Variants in CYP2J2 observed in about 807,000 individuals in gnomAD.
CYP2J2 encodes cytochrome P450 2J2.
CYP2J2 carries 41 observed loss-of-function variants against 48.8 expected under a neutral mutation model. That is an observed-to-expected ratio of 0.84 (90% CI 0.66 to 1.09). The LOEUF (loss-of-function observed/expected upper bound fraction) is 1.09. Ranked by LOEUF, CYP2J2 falls within the 50% of genes least tolerant of loss-of-function variation. The probability of loss-of-function intolerance (pLI) is 0.00; values close to 1 mark genes in which losing one functional copy is unlikely to be tolerated. For synonymous variants in CYP2J2, 221 were observed against 227.1 expected, an observed-to-expected ratio of 0.97 and a Z score of 0.24; for missense variants, 644 against 617.3, an observed-to-expected ratio of 1.04 and a Z score of -0.46.
chr1:59,945,149 A>T, the CYP2J2 span, among the ~76,000 whole-genome samples: 305 of 152,198 alleles, frequency 2.0e-3, 2 homozygotes, highest in Non-Finnish European at 3.0e-3. Flanking sequence ...GAAAATGGTT[A>T]AAAAAATGGT....
the CYP2J2 span, among the ~76,000 whole-genome samples, chr1:59,948,790 AT>A: frequency 3.3e-5 from 5 of 152,108 alleles, no homozygotes; most frequent in South Asian, 2.1e-4. Flanking sequence ...CATTATCAAA[AT>A]TTTTTTTCAG....
chr1:59,943,328 GAGAA>G, the CYP2J2 span, among the ~76,000 whole-genome samples: 18 of 152,314 alleles, frequency 1.2e-4, no homozygotes, highest in African/African-American at 3.8e-4. Context: ...CAGCCGAATG[GAGAA>G]AGAGAGAGGA....
chr1:59,954,163 C>A, the CYP2J2 span, among the ~76,000 whole-genome samples: 7 of 152,154 alleles, frequency 4.6e-5, no homozygotes, highest in Admixed American at 6.5e-5. Context: ...CAGCCTGGGT[C>A]TCTGGGTGAC....
chr1:59,946,526 C>T, the CYP2J2 span, among the ~76,000 whole-genome samples: 404 of 152,278 alleles, frequency 2.7e-3, 1 homozygote, highest in African/African-American at 9.2e-3. Context: ...ATGTGAGCTC[C>T]ATGAGGGGAA....
chr1:59,967,549 G>A, the CYP2J2 span, among the ~76,000 whole-genome samples: 3 of 152,192 alleles, frequency 2.0e-5, no homozygotes, highest in Non-Finnish European at 4.4e-5. Flanking sequence ...CTTGTTATCT[G>A]CCTTCTGCAG....
chr1:59,939,505 G>A, the CYP2J2 span, among the ~76,000 whole-genome samples: 110 of 152,272 alleles, frequency 7.2e-4, no homozygotes, highest in Non-Finnish European at 1.2e-3. Flanking sequence ...CCCTGTGGCC[G>A]CCACCACTAG....
chr1:59,939,296 C>T, the CYP2J2 span, among the ~76,000 whole-genome samples: 14 of 152,138 alleles, frequency 9.2e-5, no homozygotes, highest in Admixed American at 6.5e-4. Flanking sequence ...CATTAGGGAG[C>T]GCCCCAAGCC....
At chr1:59,928,932 A>G (rs1305599111), upstream of CYP2J2, among the ~76,000 whole-genome samples, 1 of 152,250 alleles carries the variant, frequency 6.6e-6, no homozygotes, top group Non-Finnish European at 1.5e-5. Flanking sequence ...CAAATCTCAA[A>G]GTCTGGCCTC....
At chr1:59,939,469 A>G in the CYP2J2 span, among the ~76,000 whole-genome samples, 1 of 152,150 alleles carries the variant, frequency 6.6e-6, no homozygotes, top group Non-Finnish European at 1.5e-5. Context: ...AGCTGCCTAG[A>G]GTTGGGGGTG....
At chr1:59,941,531 A>G in the CYP2J2 span, among the ~76,000 whole-genome samples, 2 of 152,176 alleles carry the variant, frequency 1.3e-5, no homozygotes, top group Non-Finnish European at 2.9e-5. Flanking sequence ...CCTTCCACTT[A>G]TTGAAAAAAA....
chr1:59,915,634 CAG>C (rs781347904), intron 2 of CYP2J2, among the ~76,000 whole-genome samples: 1 of 152,124 alleles, frequency 6.6e-6, no homozygotes, highest in Non-Finnish European at 1.5e-5. Flanking sequence ...AAGAGGAAAA[CAG>C]AGAGAACACG....
intron 4 of CYP2J2, among the ~76,000 whole-genome samples, chr1:59,910,444 T>G (rs1017684207): frequency 6.6e-6 from 1 of 151,540 alleles, no homozygotes; most frequent in African/African-American, 2.4e-5. Flanking sequence ...GGCCATGTGT[T>G]GATAATTGTT....
the CYP2J2 span, among the ~76,000 whole-genome samples, chr1:59,962,311 T>C: frequency 6.6e-6 from 1 of 152,144 alleles, no homozygotes; most frequent in African/African-American, 2.4e-5. Flanking sequence ...CTCATAATTC[T>C]GGGTCCCTAA....
intron 8 of CYP2J2, among the ~76,000 whole-genome samples, chr1:59,894,832 C>T (rs1010627083): frequency 6.6e-6 from 1 of 152,228 alleles, no homozygotes; most frequent in Admixed American, 6.5e-5. Flanking sequence ...CAGGAGAATA[C>T]AATTTAAAAG....
At chr1:59,926,788 G>A (rs761835134), upstream of CYP2J2, 1 of 1,548,470 alleles carries the variant, frequency 6.5e-7, no homozygotes, top group African/African-American at 1.4e-5. Context: ...CAAGCAGGCG[G>A]CGGTCCCAGC....
chr1:59,896,700 T>C (rs1396207564), intron 8 of CYP2J2, among the ~76,000 whole-genome samples: 1 of 152,036 alleles, frequency 6.6e-6, no homozygotes, highest in Non-Finnish European at 1.5e-5. Context: ...ACTACCACCA[T>C]CTCTATTGTG....
At chr1:59,912,406 G>A (rs1644426163) in intron 2 of CYP2J2, 95 bp from the exon 3 acceptor site, 3 of 1,379,786 alleles carry the variant, frequency 2.2e-6, no homozygotes, top group South Asian at 2.8e-5. Flanking sequence ...AAGGACAGGA[G>A]AAGATCATTA....
At chr1:59,955,953 G>A in the CYP2J2 span, among the ~76,000 whole-genome samples, 1 of 151,852 alleles carries the variant, frequency 6.6e-6, no homozygotes, top group African/African-American at 2.4e-5. Context: ...ACCATTTGAG[G>A]GTAAAGTTGC....
rs536209847 is a variant in CYP2J2, at chr1:59,916,443, A to G, written c.211-343T>C. Among the ~76,000 whole-genome samples the G allele has an allele frequency of 5.9e-5, 9 of 152,362 alleles. 1 individual carries two copies. The South Asian group carries it at 1.7e-3, about 28-fold the overall frequency. ...TGAGGATAAAACTGTAATAAAATAA[A>G]TAAGTTCTGGCCATGTGCAGTGGCT... On this transcript the variant is annotated intron_variant, in intron 1 of 8. Transcript: ENST00000371204.
Sources: gnomAD v4.1 joint callset for allele counts (sites outside exome capture counted in the v4.1 genomes callset) on GRCh38, gnomAD v4.1.1 for gene constraint, MANE v1.5 for transcripts, NCBI Gene and HGNC (gene_info 2026-07-23, HGNC 2026-07-21) for gene names.